The following WARS1 variants were observed in gnomAD, a reference collection of about 807,000 sequenced individuals.
WARS1 encodes the protein tryptophan--tRNA ligase, cytoplasmic.
WARS1 carries 17 observed loss-of-function variants against 47.8 expected under a neutral mutation model. That is an observed-to-expected ratio of 0.36 (90% CI 0.24 to 0.53). The LOEUF (loss-of-function observed/expected upper bound fraction) is 0.53, where lower values mean the gene tolerates loss of function less well. Among genes scored for constraint, WARS1 ranks in the 20% least tolerant of loss-of-function variants. WARS1 has a pLI of 0.91. For missense variants in WARS1, 434 were observed against 608.0 expected (o/e 0.71, Z 3.01); for synonymous variants, 208 against 228.1 (o/e 0.91, Z 0.79).
At chr14:100,349,010 C>T (rs1894805110) in intron 6 of WARS1, among the ~76,000 whole-genome samples, 1 of 152,220 alleles carries the variant, frequency 6.6e-6, no homozygotes, top group South Asian at 2.1e-4. Context: ...GCAGCCATGC[C>T]AGTGCCGGCA....
At chr14:100,341,450 G>A (rs1262958051) in intron 9 of WARS1, among the ~76,000 whole-genome samples, 2 of 152,180 alleles carry the variant, frequency 1.3e-5, no homozygotes, top group African/African-American at 4.8e-5. Flanking sequence ...GAACCTGCTT[G>A]GGACTTTCCA....
At position 100,369,245 on chromosome 14, in the gene WARS1, C is replaced by G; in HGVS notation, c.-60G>C. On this transcript the variant is annotated 5_prime_UTR_variant, in exon 2 of 11. Transcript: ENST00000392882. ...GCCTGAGGTCAGAGGATTTGTTCAG[C>G]AGACGAGTCAAGACTGGGGTGGGGG... 1.5e-6 allele frequency: 1 copy of G among 647,598 alleles called. No individual in the cohort carries two copies. Among genetic ancestry groups the G allele is most frequent in the Non-Finnish European group, 2.2e-6 (1 of 454,842 alleles). 40.1% of individuals were successfully genotyped at this position (647,598 alleles called of 1,614,324 possible).
At position 100,334,999 on chromosome 14, in the gene WARS1, T is replaced by C; in HGVS notation, c.1292A>G (p.Lys431Arg). ...CTGCAGAACCTCTATGAGTGCCTTCTTGAGCTCACCGGTGAGCATGGCTCC... is the reference window on the plus strand; with the variant it reads ...CTGCAGAACCTCTATGAGTGCCTTCCTGAGCTCACCGGTGAGCATGGCTCC... ...TSGAMLTGELKKALIEVLQPL... is the reference protein window; with the variant it reads ...TSGAMLTGELRKALIEVLQPL... The change falls in exon 11 of 11, where the codon AAG becomes AGG. Residue 431 changes from lysine to arginine, a missense_variant. Coordinates refer to ENST00000392882, the MANE Select transcript of WARS1 (RefSeq NM_004184.4). 1.2e-6 allele frequency: 2 copies of C among 1,614,136 alleles called. No individual in the cohort carries two copies. The highest frequency in any genetic ancestry group is 2.2e-5 in the East Asian group (1 of 44,886).
At chr14:100,346,940 G>T in intron 6 of WARS1, 94 bp from the exon 7 acceptor site, 2 of 1,115,330 alleles carry the variant, frequency 1.8e-6, no homozygotes, top group Non-Finnish European at 2.7e-6. Context: ...ATGAGTAGTG[G>T]CATGGGCCAG....
intron 7 of WARS1, among the ~76,000 whole-genome samples, chr14:100,346,438 T>C (rs932225757): frequency 2.6e-5 from 4 of 152,210 alleles, no homozygotes; most frequent in African/African-American, 9.6e-5. Flanking sequence ...CCACCAGAGC[T>C]GTTGGAACTC....
intron 7 of WARS1, among the ~76,000 whole-genome samples, chr14:100,345,860 C>G (rs1231086750): frequency 2.0e-5 from 3 of 152,226 alleles, no homozygotes; most frequent in African/African-American, 7.2e-5. Flanking sequence ...GTACCCAGAC[C>G]CTTGGGTGAG....
At chr14:100,376,154 A>G (rs1896646062), upstream of WARS1, 2 of 192,520 alleles carry the variant, frequency 1.0e-5, no homozygotes, top group Non-Finnish European at 1.0e-5. Flanking sequence ...GCCGGGCTCT[A>G]AGGATACTCC....
At chr14:100,357,204 T>C (rs191800335) in intron 4 of WARS1, among the ~76,000 whole-genome samples, 1 of 152,278 alleles carries the variant, frequency 6.6e-6, no homozygotes, top group East Asian at 1.9e-4. Flanking sequence ...TGAAAGTTTT[T>C]CCCCTAAGAT....
intron 7 of WARS1, among the ~76,000 whole-genome samples, chr14:100,344,905 G>T (rs1157482661): frequency 1.3e-5 from 2 of 151,884 alleles, no homozygotes; most frequent in African/African-American, 4.8e-5. Flanking sequence ...CGTCTGGGAA[G>T]TGAGGAGCGT....
intron 10 of WARS1, 132 bp downstream of exon 10, chr14:100,336,930 C>T: frequency 7.8e-7 from 1 of 1,274,658 alleles, no homozygotes; most frequent in East Asian, 2.3e-5. Context: ...GGCGAGTCTA[C>T]TCAGTTTTCA....
intron 2 of WARS1, among the ~76,000 whole-genome samples, chr14:100,368,212 C>G (rs1896126384): frequency 6.6e-6 from 1 of 152,178 alleles, no homozygotes; most frequent in Admixed American, 6.5e-5. Flanking sequence ...TCATTAGTAT[C>G]ATTGACATAA....
At chr14:100,362,734 T>C (rs531328824) in intron 2 of WARS1, among the ~76,000 whole-genome samples, 103 of 152,300 alleles carry the variant, frequency 6.8e-4, no homozygotes, top group Middle Eastern at 3.4e-3. Flanking sequence ...ACAAAGAATA[T>C]ACACAGCCCA....
chr14:100,360,774 A>T (rs957004489), intron 3 of WARS1, 112 bp from the exon 4 acceptor site: 44 of 721,790 alleles, frequency 6.1e-5, no homozygotes, highest in Non-Finnish European at 9.8e-5. Context: ...ATGAACACAA[A>T]CCTCTTTAGG....
intron 9 of WARS1, chr14:100,342,151 A>G: frequency 5.3e-6 from 2 of 380,720 alleles, no homozygotes; most frequent in Non-Finnish European, 9.1e-6. Flanking sequence ...AGAAAAGGAA[A>G]AAAAGAAAAA....
At chr14:100,344,360 C>T (rs1894386634) in intron 7 of WARS1, among the ~76,000 whole-genome samples, 2 of 152,216 alleles carry the variant, frequency 1.3e-5, no homozygotes, top group Non-Finnish European at 2.9e-5. Flanking sequence ...GCCGGGATTG[C>T]AGACGGAGTC....
chr14:100,363,922 C>G (rs7150701), intron 2 of WARS1, among the ~76,000 whole-genome samples: 146,442 of 152,162 alleles, frequency 0.96, 70,725 homozygotes, highest in East Asian at 1. Flanking sequence ...CACGGAGCCT[C>G]GCCAAAAGCT....
chr14:100,359,769 A>T (rs1895546612), intron 4 of WARS1, among the ~76,000 whole-genome samples: 1 of 152,220 alleles, frequency 6.6e-6, no homozygotes, highest in Non-Finnish European at 1.5e-5. Context: ...CTGTACATTT[A>T]AAAAAATAAG....
chr14:100,368,460 C>A (rs1490028410), intron 2 of WARS1: 1 of 455,930 alleles, frequency 2.2e-6, no homozygotes, highest in Admixed American at 2.4e-5. Flanking sequence ...ACCTGAAAGA[C>A]CCCAACTTGA....
In WARS1 at chr14:100,344,936, G is replaced by A. The variant is rs1316673357; in HGVS notation, c.827-1549C>T. Among the ~76,000 whole-genome samples the A allele has an allele frequency of 8.0e-4, 120 of 150,846 alleles. No individual in the cohort carries two copies. The Middle Eastern group carries it at 0.014, about 18-fold the overall frequency. ...AGCGTCTCCGCCCAGCAGCCACCCC[G>A]TCCTGGAGGGAGGTGGGGGGTCAGC... On this transcript the variant is annotated intron_variant, in intron 7 of 10. Coordinates refer to ENST00000392882, the MANE Select transcript of WARS1 (RefSeq NM_004184.4).
Sources: allele counts gnomAD v4.1 joint callset (sites outside exome capture counted in the v4.1 genomes callset), GRCh38; gene constraint gnomAD v4.1.1; transcripts MANE v1.5; gene names NCBI Gene and HGNC (gene_info 2026-07-23, HGNC 2026-07-21).